NELL2: variants seen among roughly 807,000 people sequenced by gnomAD.
The protein encoded by NELL2 is protein kinase C-binding protein NELL2.
In NELL2, 41 loss-of-function variants were observed where a neutral mutation model predicts 109.6. The observed-to-expected ratio is 0.37, with a 90% CI of 0.29 to 0.49. The LOEUF is 0.49. NELL2 is among the 20% of genes least tolerant of loss of function. The probability of loss-of-function intolerance (pLI) is 0.98; values close to 1 mark genes in which losing one functional copy is unlikely to be tolerated. For synonymous variants in NELL2, 355 were observed against 344.7 expected (o/e 1.03, Z -0.33); for missense variants, 900 against 1,008.3 (o/e 0.89, Z 1.45).
chr12:44,624,386 C>G (rs562897577), intron 13 of NELL2, among the ~76,000 whole-genome samples: 1 of 152,164 alleles, frequency 6.6e-6, no homozygotes, highest in East Asian at 1.9e-4. Flanking sequence ...ATTTTAATTA[C>G]AATCAGCAAT....
chr12:44,846,094 G>A (rs1944360533), intron 2 of NELL2, among the ~76,000 whole-genome samples: 1 of 152,162 alleles, frequency 6.6e-6, no homozygotes. Flanking sequence ...ACTAATGATT[G>A]GAGTACATCC....
At chr12:44,568,717 A>C (rs1943752574) in intron 15 of NELL2, among the ~76,000 whole-genome samples, 1 of 152,000 alleles carries the variant, frequency 6.6e-6, no homozygotes, top group African/African-American at 2.4e-5. Context: ...GAAATATAGT[A>C]TGTATATGTG....
intron 2 of NELL2, among the ~76,000 whole-genome samples, chr12:44,822,610 T>C (rs1469493178): frequency 1.3e-5 from 2 of 152,202 alleles, no homozygotes; most frequent in Non-Finnish European, 2.9e-5. Flanking sequence ...GTAAGCTCTA[T>C]AGAGAAACTT....
chr12:44,702,694 G>A (rs916169626), intron 12 of NELL2, among the ~76,000 whole-genome samples: 3 of 152,088 alleles, frequency 2.0e-5, no homozygotes, highest in South Asian at 4.1e-4. Context: ...GGGAAGGGAA[G>A]CCATATTTCT....
intron 1 of NELL2, among the ~76,000 whole-genome samples, chr12:44,896,967 A>T (rs975642009): frequency 3.3e-5 from 5 of 152,180 alleles, no homozygotes; most frequent in African/African-American, 1.2e-4. Context: ...TAAGCACAGG[A>T]GTGACTTAAT....
chr12:44,782,563 T>A (rs1042521578), intron 3 of NELL2, among the ~76,000 whole-genome samples: 1 of 151,780 alleles, frequency 6.6e-6, no homozygotes, highest in African/African-American at 2.4e-5. Flanking sequence ...TAATATATAT[T>A]GAAACTATTA....
intron 9 of NELL2, among the ~76,000 whole-genome samples, chr12:44,730,448 C>T (rs561567108): frequency 1.3e-5 from 2 of 151,968 alleles, no homozygotes; most frequent in Admixed American, 6.5e-5. Flanking sequence ...TTTCCAAACA[C>T]AATGAAATGA....
chr12:44,535,169 C>A (rs1221134356), intron 15 of NELL2, among the ~76,000 whole-genome samples: 6 of 151,884 alleles, frequency 4.0e-5, no homozygotes, highest in Non-Finnish European at 7.4e-5. Context: ...AAACTTTGGG[C>A]ATTATCTTAT....
chr12:44,719,212 A>G (rs1008490971), intron 9 of NELL2, among the ~76,000 whole-genome samples: 2 of 152,232 alleles, frequency 1.3e-5, no homozygotes, highest in African/African-American at 4.8e-5. Flanking sequence ...TTAAAAAGTG[A>G]AAGGTAATTT....
intron 13 of NELL2, among the ~76,000 whole-genome samples, chr12:44,648,010 T>C (rs1197661412): frequency 6.6e-6 from 1 of 152,168 alleles, no homozygotes; most frequent in Non-Finnish European, 1.5e-5. Context: ...AGTGTAGCTA[T>C]TCAGTCTTCT....
intron 9 of NELL2, among the ~76,000 whole-genome samples, chr12:44,744,548 T>C (rs1337455254): frequency 3.3e-5 from 5 of 151,878 alleles, no homozygotes; most frequent in African/African-American, 7.3e-5. Flanking sequence ...ATTGATAGAC[T>C]GCTAGCAAGA....
intron 15 of NELL2, among the ~76,000 whole-genome samples, chr12:44,587,394 T>G (rs189290599): frequency 6.5e-4 from 98 of 149,804 alleles, no homozygotes; most frequent in Admixed American, 1.4e-3. Context: ...TTATTACTAA[T>G]TAACAATAAC....
At chr12:44,829,675 C>T (rs1174462484) in intron 2 of NELL2, among the ~76,000 whole-genome samples, 1 of 152,114 alleles carries the variant, frequency 6.6e-6, no homozygotes, top group Admixed American at 6.6e-5. Flanking sequence ...TGACACCAGT[C>T]ATTACTGTAT....
At chr12:44,891,272 T>C (rs1395486801) in intron 1 of NELL2, among the ~76,000 whole-genome samples, 1 of 152,200 alleles carries the variant, frequency 6.6e-6, no homozygotes, top group Non-Finnish European at 1.5e-5. Flanking sequence ...TCAAATAGAC[T>C]GGCACCCAGA....
At chr12:44,676,349 G>C (rs1457173819) in intron 12 of NELL2, among the ~76,000 whole-genome samples, 1 of 152,138 alleles carries the variant, frequency 6.6e-6, no homozygotes, top group Admixed American at 6.6e-5. Context: ...CTAAGTTTAA[G>C]TAGGCTGCTC....
At chr12:44,511,305 T>G (rs1940993385) in intron 19 of NELL2, among the ~76,000 whole-genome samples, 1 of 152,302 alleles carries the variant, frequency 6.6e-6, no homozygotes, top group South Asian at 2.1e-4. Context: ...AACCCTCCTA[T>G]AGATAACAAC....
intron 15 of NELL2, among the ~76,000 whole-genome samples, chr12:44,587,284 A>AAAAAAAAAAATATATATATAT: frequency 1.9e-4 from 14 of 72,194 alleles, no homozygotes; most frequent in Non-Finnish European, 3.0e-4. Context: ...AAAAAAAAAA[A>AAAAAAAAAAATATATATATAT]ATATATATAT....
intron 2 of NELL2, among the ~76,000 whole-genome samples, chr12:44,828,616 A>C (rs1023883168): frequency 1.3e-5 from 2 of 152,230 alleles, no homozygotes; most frequent in African/African-American, 4.8e-5. Flanking sequence ...AACAAAAAGA[A>C]ATAGCAGGTT....
intron 16 of NELL2, among the ~76,000 whole-genome samples, chr12:44,531,003 T>C (rs1225514413): frequency 6.6e-6 from 1 of 152,258 alleles, no homozygotes; most frequent in African/African-American, 2.4e-5. Flanking sequence ...ACTAGAGATT[T>C]GTGATCATAA....
Sources: allele counts gnomAD v4.1 joint callset (sites outside exome capture counted in the v4.1 genomes callset), GRCh38; gene constraint gnomAD v4.1.1; transcripts MANE v1.5; gene names NCBI Gene and HGNC (gene_info 2026-07-23, HGNC 2026-07-21).